Variants in RPA3 observed in about 807,000 individuals in gnomAD.
The protein encoded by RPA3 is replication protein A3.
In RPA3, 24 loss-of-function variants were observed where a neutral mutation model predicts 13.7. The observed-to-expected ratio is 1.75, with a 90% CI of 1.27 to 2.46. RPA3 has a LOEUF of 2.46. Ranked by LOEUF, RPA3 falls within the 30% of genes most tolerant of loss-of-function variation. The pLI, the probability that RPA3 is intolerant of heterozygous loss-of-function variation, is 0.00. For missense variants in RPA3, 183 were observed against 151.0 expected (o/e 1.21, Z -1.11); for synonymous variants, 59 against 51.2 (o/e 1.15, Z -0.65).
At chr7:7,702,523 A>T (rs890632249) in intron 2 of RPA3, among the ~76,000 whole-genome samples, 2 of 152,086 alleles carry the variant, frequency 1.3e-5, no homozygotes, top group Non-Finnish European at 2.9e-5. Flanking sequence ...TTTCTCTAAT[A>T]CTTGAAATAG....
At chr7:7,700,781 G>C (rs188580947) in intron 2 of RPA3, among the ~76,000 whole-genome samples, 15 of 152,062 alleles carry the variant, frequency 9.9e-5, no homozygotes, top group African/African-American at 3.4e-4. Flanking sequence ...AAAGCTACTC[G>C]GGAGGCTGAG....
intron 4 of RPA3, among the ~76,000 whole-genome samples, chr7:7,678,762 A>G (rs192701950): frequency 0.25 from 7,152 of 29,036 alleles, 47 homozygotes; most frequent in East Asian, 0.33. Flanking sequence ...ATATATTTAT[A>G]TATTTAGTTT....
At chr7:7,666,816 A>G (rs1242118785) in intron 4 of RPA3, among the ~76,000 whole-genome samples, 1 of 151,476 alleles carries the variant, frequency 6.6e-6, no homozygotes, top group Non-Finnish European at 1.5e-5. Flanking sequence ...TTATTTATTT[A>G]TTGTTTGAGA....
At chr7:7,669,393 T>C (rs537809373) in intron 4 of RPA3, among the ~76,000 whole-genome samples, 9 of 152,270 alleles carry the variant, frequency 5.9e-5, no homozygotes, top group Middle Eastern at 3.4e-3. Flanking sequence ...AGAGGGGAGA[T>C]CTAAGAATGG....
intron 4 of RPA3, among the ~76,000 whole-genome samples, chr7:7,677,748 A>G (rs1779783832): frequency 7.6e-6 from 1 of 130,846 alleles, no homozygotes. Context: ...ATCTCGGCTC[A>G]CTGCAAGCTC....
chr7:7,680,398 G>T (rs1358575583), intron 4 of RPA3, among the ~76,000 whole-genome samples: 3 of 152,094 alleles, frequency 2.0e-5, no homozygotes. Flanking sequence ...ATTCGTCCAT[G>T]TGTCTGTTTT....
At chr7:7,684,306 A>G (rs775940436) in intron 4 of RPA3, among the ~76,000 whole-genome samples, 1 of 152,014 alleles carries the variant, frequency 6.6e-6, no homozygotes, top group African/African-American at 2.4e-5. Context: ...CGTTCAAGCA[A>G]TTCTCATGCC....
At chr7:7,662,686 A>C (rs1365040244) in intron 4 of RPA3, among the ~76,000 whole-genome samples, 2 of 152,142 alleles carry the variant, frequency 1.3e-5, no homozygotes, top group African/African-American at 4.8e-5. Context: ...CGGGTACCTC[A>C]GTTGGAAATT....
intron 4 of RPA3, among the ~76,000 whole-genome samples, chr7:7,667,848 A>G (rs796249949): frequency 4.6e-5 from 7 of 152,298 alleles, no homozygotes; most frequent in African/African-American, 1.4e-4. Flanking sequence ...TTTGGTGCCA[A>G]TAGAATTTGG....
At chr7:7,706,774 A>G (rs1218938482) in intron 2 of RPA3, among the ~76,000 whole-genome samples, 9 of 152,108 alleles carry the variant, frequency 5.9e-5, no homozygotes, top group Admixed American at 5.9e-4. Context: ...TTTAAACTAG[A>G]TTGTCTGAGT....
At chr7:7,642,184 G>T (rs931128389) in intron 4 of RPA3, among the ~76,000 whole-genome samples, 1 of 152,132 alleles carries the variant, frequency 6.6e-6, no homozygotes, top group African/African-American at 2.4e-5. Flanking sequence ...ACCCAGACTG[G>T]AGTGCAGTAG....
At chr7:7,637,432 G>C (rs1325482899) in intron 7 of RPA3, among the ~76,000 whole-genome samples, 2 of 151,914 alleles carry the variant, frequency 1.3e-5, no homozygotes, top group Non-Finnish European at 2.9e-5. Flanking sequence ...TCTTTACTGA[G>C]TTTCTTACAT....
chr7:7,692,979 C>T (rs546872516), intron 2 of RPA3, among the ~76,000 whole-genome samples: 2 of 152,216 alleles, frequency 1.3e-5, no homozygotes, highest in Admixed American at 6.5e-5. Flanking sequence ...TCTAAAATAG[C>T]TGTAGGAGGA....
At chr7:7,699,047 T>G (rs1487512743) in intron 2 of RPA3, among the ~76,000 whole-genome samples, 18 of 121,582 alleles carry the variant, frequency 1.5e-4, no homozygotes, top group African/African-American at 5.0e-4. Context: ...TGTGTGTGTG[T>G]GTGGGGGGGG....
intron 4 of RPA3, among the ~76,000 whole-genome samples, chr7:7,661,305 A>AG (rs1785468701): frequency 6.6e-6 from 1 of 152,060 alleles, no homozygotes; most frequent in South Asian, 2.1e-4. Context: ...CCATCTCTGA[A>AG]GCCTCCTTCT....
intron 2 of RPA3, among the ~76,000 whole-genome samples, chr7:7,695,982 T>G (rs1248416955): frequency 3.5e-5 from 2 of 57,404 alleles, no homozygotes; most frequent in African/African-American, 2.4e-4. Flanking sequence ...TATATCTCCG[T>G]TTTTTTTTTT....
chr7:7,710,954 A>G (rs1467889274), intron 2 of RPA3, among the ~76,000 whole-genome samples: 1 of 152,232 alleles, frequency 6.6e-6, no homozygotes, highest in African/African-American at 2.4e-5. Flanking sequence ...AACGTACTGT[A>G]TGACTTCATT....
chr7:7,658,701 G>A (rs140999320), intron 4 of RPA3, among the ~76,000 whole-genome samples: 2,611 of 152,278 alleles, frequency 0.017, 74 homozygotes, highest in African/African-American at 0.06. Context: ...TGTGCTGTTG[G>A]ATTCAGTTTG....
chr7:7,667,248 G>C (rs528296201), intron 4 of RPA3, among the ~76,000 whole-genome samples: 2 of 152,136 alleles, frequency 1.3e-5, no homozygotes, highest in East Asian at 3.8e-4. Flanking sequence ...ATAAAATTTG[G>C]TATGTTTCCT....
Sources: gnomAD v4.1 joint callset for allele counts (sites outside exome capture counted in the v4.1 genomes callset) on GRCh38, gnomAD v4.1.1 for gene constraint, MANE v1.5 for transcripts, NCBI Gene and HGNC (gene_info 2026-07-23, HGNC 2026-07-21) for gene names.